Variants in YWHAE observed in about 807,000 individuals in gnomAD.
YWHAE encodes the protein tyrosine 3-monooxygenase/tryptophan 5-monooxygenase activation protein epsilon, also known as 14-3-3 protein epsilon.
Under a neutral mutation model 30.1 loss-of-function variants are expected in YWHAE, and 4 were observed. That is an observed-to-expected ratio of 0.13 (90% CI 0.07 to 0.30). YWHAE has a LOEUF of 0.30. YWHAE is among the 10% of genes least tolerant of loss of function. The pLI is 1.00. For missense variants in YWHAE, 121 were observed against 315.9 expected, an observed-to-expected ratio of 0.38 and a Z score of 4.68; for synonymous variants, 118 against 111.8, an observed-to-expected ratio of 1.06 and a Z score of -0.35.
At chr17:1,361,062 T>G (rs945929680) in intron 4 of YWHAE, 30 bp downstream of exon 4, 2 of 1,600,764 alleles carry the variant, frequency 1.2e-6, no homozygotes, top group Non-Finnish European at 1.7e-6. Flanking sequence ...ACTTTCACGC[T>G]GAGCGCTGCT....
chr17:1,390,940 T>C (rs576764127), intron 1 of YWHAE, among the ~76,000 whole-genome samples: 1 of 152,164 alleles, frequency 6.6e-6, no homozygotes, highest in African/African-American at 2.4e-5. Flanking sequence ...AACATAACAG[T>C]TGTAACAAGA....
In YWHAE at chr17:1,369,366, C is replaced by A. The variant is rs138296748; in HGVS notation, c.65-4308G>T. Among the ~76,000 whole-genome samples the A allele has an allele frequency of 3.0e-4, 45 of 152,122 alleles. 1 individual carries two copies. In the East Asian group the frequency reaches 8.5e-3, roughly 29 times the overall value. On this transcript the variant is annotated intron_variant, in intron 1 of 5. Transcript: ENST00000264335. ...AAAATTAGCTGGGCATGGTGGCAGG[C>A]GCCTGTAGTCCCAGCTAACCAGGAG...
intron 1 of YWHAE, among the ~76,000 whole-genome samples, chr17:1,378,682 C>T (rs2073160299): frequency 1.3e-5 from 2 of 152,206 alleles, no homozygotes; most frequent in African/African-American, 4.8e-5. Flanking sequence ...CGGCGGCTCA[C>T]GCCTGTAATC....
chr17:1,366,148 G>A (rs1024922134), intron 1 of YWHAE, among the ~76,000 whole-genome samples: 1 of 151,366 alleles, frequency 6.6e-6, no homozygotes, highest in Non-Finnish European at 1.5e-5. Context: ...CCCAGAAGGT[G>A]GAGATTGCAG....
chr17:1,350,258 C>T (rs2072605364), intron 5 of YWHAE, among the ~76,000 whole-genome samples: 1 of 151,712 alleles, frequency 6.6e-6, no homozygotes, highest in Admixed American at 6.6e-5. Flanking sequence ...GGCCGTATTA[C>T]CCTATTTTAA....
chr17:1,378,451 C>A (rs899554305), intron 1 of YWHAE, among the ~76,000 whole-genome samples: 1 of 152,206 alleles, frequency 6.6e-6, no homozygotes, highest in Non-Finnish European at 1.5e-5. Flanking sequence ...GTCCCAATAT[C>A]TTGCTAGTCA....
intron 1 of YWHAE, among the ~76,000 whole-genome samples, chr17:1,375,649 A>G (rs1325300447): frequency 6.6e-6 from 1 of 152,184 alleles, no homozygotes; most frequent in African/African-American, 2.4e-5. Flanking sequence ...CATACTCCTC[A>G]CAAGTTAATT....
intron 4 of YWHAE, among the ~76,000 whole-genome samples, chr17:1,357,168 C>G (rs1051956303): frequency 4.6e-5 from 7 of 151,898 alleles, no homozygotes; most frequent in Non-Finnish European, 8.8e-5. Context: ...CTTTGGGAGG[C>G]CGAGGCGGGT....
chr17:1,349,337 A>G (rs949045449), intron 5 of YWHAE, among the ~76,000 whole-genome samples: 1 of 152,174 alleles, frequency 6.6e-6, no homozygotes, highest in African/African-American at 2.4e-5. Flanking sequence ...GTGATACTCC[A>G]TCTCAAAAAC....
At chr17:1,381,932 AAGAC>A (rs1416469183) in intron 1 of YWHAE, among the ~76,000 whole-genome samples, 8 of 150,982 alleles carry the variant, frequency 5.3e-5, no homozygotes, top group Admixed American at 2.0e-4. Context: ...AAAAAAAAAA[AAGAC>A]AGGCAGACAG....
At chr17:1,357,126 G>A (rs1223283221) in intron 4 of YWHAE, among the ~76,000 whole-genome samples, 3 of 151,652 alleles carry the variant, frequency 2.0e-5, no homozygotes, top group South Asian at 2.1e-4. Flanking sequence ...AAAATAGGCC[G>A]GGCGCGGTGG....
chr17:1,355,630 T>C (rs769505198), intron 4 of YWHAE, among the ~76,000 whole-genome samples: 16 of 152,072 alleles, frequency 1.1e-4, no homozygotes, highest in Non-Finnish European at 1.3e-4. Context: ...GAGTACTGTG[T>C]ACTATGTCCA....
rs1297503908 is a variant in YWHAE, at chr17:1,388,118, G to GTTTTTTT, written c.64+11922_64+11928dup. Among the ~76,000 whole-genome samples, 18 of 15,494 alleles carry GTTTTTTT rather than the reference G, an allele frequency of 1.2e-3. 2 individuals are homozygous for GTTTTTTT. Among genetic ancestry groups the GTTTTTTT allele is most frequent in the African/African-American group, 6.6e-3 (13 of 1,972 alleles). 10.2% of individuals were successfully genotyped at this position (15,494 alleles called of 152,430 possible). A position where few individuals can be genotyped will look rare whatever the true frequency, so the allele number is the denominator to read the frequency against. ...TAATTTTTGTTTTTTTTTTTGGTTG[G>GTTTTTTT]TTTTTTTTTTTTTTTTTTTTTTTTA... On this transcript the variant is annotated intron_variant, in intron 1 of 5. Coordinates refer to ENST00000264335, the MANE Select transcript of YWHAE (RefSeq NM_006761.5).
intron 1 of YWHAE, among the ~76,000 whole-genome samples, chr17:1,376,197 TTTTG>T (rs1206287363): frequency 6.6e-6 from 1 of 152,210 alleles, no homozygotes; most frequent in Admixed American, 6.5e-5. Context: ...ACGAGGATCC[TTTTG>T]TTTGCTTCTG....
intron 1 of YWHAE, among the ~76,000 whole-genome samples, chr17:1,365,688 CAAAGCGCCACAAACAGCACAAGA>C (rs1427455535): frequency 6.6e-6 from 1 of 152,158 alleles, no homozygotes. Context: ...CGTGTGAATG[CAAAGCGCCACAAACAGCACAAGA>C]AATAGTAACT....
intron 5 of YWHAE, among the ~76,000 whole-genome samples, chr17:1,349,187 G>A (rs898240440): frequency 4.6e-5 from 7 of 150,892 alleles, no homozygotes; most frequent in African/African-American, 1.7e-4. Flanking sequence ...CTGAAAATAC[G>A]AATTATTGCC....
intron 1 of YWHAE, among the ~76,000 whole-genome samples, chr17:1,378,002 T>A (rs1298003914): frequency 6.6e-6 from 1 of 152,136 alleles, no homozygotes; most frequent in Non-Finnish European, 1.5e-5. Context: ...TGAGCCAAGA[T>A]CGCGTCACTG....
Position 1,344,445 on chromosome 17 carries a change from A to G in YWHAE, c.*1002T>C, listed in dbSNP as rs2072483352. On this transcript the variant is annotated 3_prime_UTR_variant, in exon 6 of 6. Transcript: ENST00000264335. ...AAACAAATTATTTATGGAAGAAAAAAGGAGGAATGTTTCACATTCAGGCAA... is the reference window on the plus strand; with the variant it reads ...AAACAAATTATTTATGGAAGAAAAAGGGAGGAATGTTTCACATTCAGGCAA... 1 of 182,112 alleles carries G rather than the reference A, an allele frequency of 5.5e-6. No individual in the cohort carries two copies. The highest frequency in any genetic ancestry group is 1.2e-5 in the Non-Finnish European group (1 of 85,502). The allele number at this position is 182,112 out of a possible 1,614,324, so 11.3% of individuals were successfully genotyped here.
intron 1 of YWHAE, among the ~76,000 whole-genome samples, chr17:1,382,845 C>T (rs1046897036): frequency 8.7e-5 from 13 of 149,628 alleles, no homozygotes; most frequent in African/African-American, 1.5e-4. Context: ...GCCAACCTGG[C>T]GAAACCCCAT....
Sources: gnomAD v4.1 joint callset for allele counts (sites outside exome capture counted in the v4.1 genomes callset) on GRCh38, gnomAD v4.1.1 for gene constraint, MANE v1.5 for transcripts, NCBI Gene and HGNC (gene_info 2026-07-23, HGNC 2026-07-21) for gene names.